Variants in ATP9B observed in about 807,000 individuals in gnomAD.
The protein encoded by ATP9B is ATPase phospholipid transporting 9B, also known as probable phospholipid-transporting ATPase IIB.
Under a neutral mutation model 146.1 loss-of-function variants are expected in ATP9B, and 110 were observed. That is an observed-to-expected ratio of 0.75 (90% CI 0.65 to 0.88). The LOEUF is 0.88. Ranked by LOEUF, ATP9B falls within the 40% of genes least tolerant of loss-of-function variation. The pLI is 0.00. For missense variants in ATP9B, 1,499 were observed against 1,496.4 expected (o/e 1.00, Z -0.03); for synonymous variants, 604 against 569.7 (o/e 1.06, Z -0.86).
chr18:79,319,842 C>T (rs955090888), intron 15 of ATP9B, among the ~76,000 whole-genome samples: 4 of 152,178 alleles, frequency 2.6e-5, no homozygotes, highest in African/African-American at 7.2e-5. Flanking sequence ...ATCTACAGAG[C>T]TTGGCTTACA....
At position 79,374,117 on chromosome 18, in the gene ATP9B, A is replaced by G; in HGVS notation, c.3274+16A>G. The G allele has an allele frequency of 6.2e-7, 1 of 1,612,606 alleles. No individual in the cohort carries two copies. Among genetic ancestry groups the G allele is most frequent in the Non-Finnish European group, 8.5e-7 (1 of 1,179,056 alleles). On this transcript the variant is annotated intron_variant, in intron 28 of 29. Transcript: ENST00000426216. ...GAATATTTTGGTAAGTTGCCTTGGA[A>G]TTGTTTTTTGAATCGTTCTCTATTC...
At chr18:79,343,608 A>T (rs1424121740) in intron 20 of ATP9B, 1 of 152,316 alleles carries the variant, frequency 6.6e-6, no homozygotes, top group Admixed American at 6.5e-5. Context: ...ATTTTGCATT[A>T]TTTGACCTAT....
chr18:79,343,435 C>CTG (rs1338782905), intron 20 of ATP9B, among the ~76,000 whole-genome samples: 9 of 152,164 alleles, frequency 5.9e-5, no homozygotes, highest in African/African-American at 1.9e-4. Flanking sequence ...AAACCACTTA[C>CTG]ATTGGTTTCT....
chr18:79,236,482 T>C (rs1568464381), intron 11 of ATP9B, among the ~76,000 whole-genome samples: 1 of 152,244 alleles, frequency 6.6e-6, no homozygotes, highest in Admixed American at 6.5e-5. Context: ...CCTTTTTTTT[T>C]TATGGTTTAA....
chr18:79,375,796 A>G, intron 29 of ATP9B: 1 of 985,470 alleles, frequency 1.0e-6, no homozygotes, highest in Non-Finnish European at 1.2e-6. Flanking sequence ...CCCTTCATAC[A>G]GAGATCCAGC....
At chr18:79,173,343 T>C (rs945591440) in intron 7 of ATP9B, among the ~76,000 whole-genome samples, 4 of 151,056 alleles carry the variant, frequency 2.6e-5, no homozygotes, top group African/African-American at 4.8e-5. Flanking sequence ...CAAAGTCCAA[T>C]TGATTTTTTT....
intron 26 of ATP9B, among the ~76,000 whole-genome samples, chr18:79,370,030 C>T (rs1166347674): frequency 6.6e-6 from 1 of 152,098 alleles, no homozygotes; most frequent in Non-Finnish European, 1.5e-5. Context: ...ACCTGGGAGG[C>T]GGAGGTTGCA....
intron 6 of ATP9B, chr18:79,145,359 C>T (rs376120648): frequency 6.1e-4 from 65 of 106,332 alleles, no homozygotes; most frequent in African/African-American, 2.9e-3. Context: ...GGCTGCATGT[C>T]GGGGGAGCTG....
chr18:79,189,334 G>A (rs1600289441), intron 8 of ATP9B, among the ~76,000 whole-genome samples: 1 of 148,898 alleles, frequency 6.7e-6, no homozygotes, highest in African/African-American at 2.5e-5. Context: ...GCGACAGAGC[G>A]AGACTCCATC....
At chr18:79,315,842 G>T (rs1444489993) in intron 15 of ATP9B, among the ~76,000 whole-genome samples, 1 of 152,198 alleles carries the variant, frequency 6.6e-6, no homozygotes, top group African/African-American at 2.4e-5. Flanking sequence ...AGCAGCCTGT[G>T]CATGAGATTC....
chr18:79,372,698 G>T (rs1379847665), intron 26 of ATP9B, 127 bp from the exon 27 acceptor site: 1 of 737,580 alleles, frequency 1.4e-6, no homozygotes, highest in African/African-American at 1.7e-5. Flanking sequence ...AGACCAGGTG[G>T]CTGGGGTGGC....
At chr18:79,139,428 G>A (rs1366418778) in intron 5 of ATP9B, among the ~76,000 whole-genome samples, 4 of 152,208 alleles carry the variant, frequency 2.6e-5, no homozygotes, top group Non-Finnish European at 4.4e-5. Flanking sequence ...TCCTTGTGCT[G>A]CGGTGGCACG....
chr18:79,072,373 C>T (rs2071960873), intron 1 of ATP9B, among the ~76,000 whole-genome samples: 1 of 152,132 alleles, frequency 6.6e-6, no homozygotes, highest in South Asian at 2.1e-4. Flanking sequence ...ATGCTGCCTT[C>T]AAGCATCTGT....
intron 15 of ATP9B, among the ~76,000 whole-genome samples, chr18:79,312,000 A>G (rs2096655117): frequency 6.6e-6 from 1 of 152,130 alleles, no homozygotes; most frequent in South Asian, 2.1e-4. Context: ...TCAAACCCGT[A>G]ATGCCTTCTG....
At chr18:79,098,131 A>G (rs2074961419) in intron 2 of ATP9B, among the ~76,000 whole-genome samples, 1 of 151,758 alleles carries the variant, frequency 6.6e-6, no homozygotes, top group South Asian at 2.1e-4. Flanking sequence ...AAAAACAAGC[A>G]ATGGGGAAAG....
At position 79,257,395 on chromosome 18, in the gene ATP9B, A is replaced by G. The variant is rs940430907; in HGVS notation, c.1268+3854A>G. ...ACCGGCCCCTGCTGACACAGAGCAA[A>G]TGGGCAGGCCATCCAGTGCCCTTGG... is the stretch of plus-strand genomic sequence containing the variant. On this transcript the variant is annotated intron_variant, in intron 12 of 29. Transcript: ENST00000426216. 2.0e-5 allele frequency among the ~76,000 whole-genome samples: 3 copies of G among 152,232 alleles called. No homozygotes were observed. The East Asian group carries it at 5.8e-4, about 29-fold the overall frequency.
intron 7 of ATP9B, among the ~76,000 whole-genome samples, chr18:79,158,922 A>C (rs1271483186): frequency 6.6e-6 from 1 of 152,100 alleles, no homozygotes; most frequent in Non-Finnish European, 1.5e-5. Flanking sequence ...TTGAATGTGG[A>C]GTACTGAAGT....
At chr18:79,104,636 A>G (rs542075119) in intron 2 of ATP9B, among the ~76,000 whole-genome samples, 2 of 152,356 alleles carry the variant, frequency 1.3e-5, no homozygotes, top group African/African-American at 4.8e-5. Context: ...TTTCTTAAGG[A>G]AAATATTAAG....
At chr18:79,092,743 G>A (rs893760792) in intron 1 of ATP9B, among the ~76,000 whole-genome samples, 5 of 145,462 alleles carry the variant, frequency 3.4e-5, no homozygotes, top group Admixed American at 2.8e-4. Context: ...TTCCACCTCC[G>A]CATTATGTCA....
Sources: gnomAD v4.1 joint callset for allele counts (sites outside exome capture counted in the v4.1 genomes callset) on GRCh38, gnomAD v4.1.1 for gene constraint, MANE v1.5 for transcripts, NCBI Gene and HGNC (gene_info 2026-07-23, HGNC 2026-07-21) for gene names.